Variants in HEATR4 observed in about 807,000 individuals in gnomAD.
HEATR4 encodes the protein HEAT repeat-containing protein 4.
A neutral mutation model predicts 108.8 loss-of-function variants in HEATR4; 95 were observed. The observed-to-expected ratio is 0.87, with a 90% CI of 0.74 to 1.04. The LOEUF is 1.04. Ranked by LOEUF, HEATR4 falls within the 50% of genes least tolerant of loss-of-function variation. HEATR4 has a pLI of 0.00. For missense variants in HEATR4, 1,152 were observed against 1,253.8 expected (o/e 0.92, Z 1.23); for synonymous variants, 443 against 459.4 (o/e 0.96, Z 0.46).
intron 4 of HEATR4, chr14:73,520,455 C>A (rs1315627541): frequency 6.2e-6 from 1 of 162,062 alleles, no homozygotes; most frequent in Non-Finnish European, 1.3e-5. Flanking sequence ...CCCAAATGTG[C>A]CTGACTCCAA....
At chr14:73,589,383 G>C in the HEATR4 span, among the ~76,000 whole-genome samples, 4 of 151,820 alleles carry the variant, frequency 2.6e-5, no homozygotes, top group Non-Finnish European at 5.9e-5. Flanking sequence ...GCAGTGGTAT[G>C]ATCTCAGCTT....
At chr14:73,610,727 C>G in the HEATR4 span, among the ~76,000 whole-genome samples, 1 of 152,158 alleles carries the variant, frequency 6.6e-6, no homozygotes, top group Non-Finnish European at 1.5e-5. Context: ...TCTGGTTGGC[C>G]TTGGACTGAC....
the HEATR4 span, among the ~76,000 whole-genome samples, chr14:73,585,514 G>A: frequency 5.9e-5 from 9 of 151,906 alleles, 1 homozygote; most frequent in South Asian, 1.2e-3. Flanking sequence ...GTGAGACCCC[G>A]TCTCTACTAA....
At chr14:73,595,560 A>C in the HEATR4 span, 1 of 1,599,678 alleles carries the variant, frequency 6.3e-7, no homozygotes, top group East Asian at 2.2e-5. Flanking sequence ...CCCAGGGCTC[A>C]TTCTAAGGCC....
chr14:73,610,065 T>C, the HEATR4 span, among the ~76,000 whole-genome samples: 3 of 151,676 alleles, frequency 2.0e-5, no homozygotes, highest in Admixed American at 2.0e-4. Flanking sequence ...GAGACATAGG[T>C]AGAGGATCTG....
chr14:73,511,992 G>T lies in HEATR4; in HGVS notation c.1558+14C>A, dbSNP rs759179364. On this transcript the variant is annotated intron_variant, in intron 7 of 17. Coordinates refer to ENST00000553558, the MANE Select transcript of HEATR4 (RefSeq NM_001220484.1). ...GTTGCTTATGTTCTCAAGCAGTTCA[G>T]CTTTGGCTCTCACCTGAGTCTCTCT... 8.1e-6 allele frequency: 13 copies of T among 1,613,666 alleles called. No homozygotes were observed. The highest frequency in any genetic ancestry group is 1.0e-5 in the Non-Finnish European group (12 of 1,179,872).
chr14:73,595,710 AC>A, the HEATR4 span: 4 of 1,488,570 alleles, frequency 2.7e-6, no homozygotes, highest in Non-Finnish European at 9.0e-7. Context: ...GTGTTCAGTA[AC>A]CCTATGTGAA....
rs768789244 is a variant in HEATR4, at chr14:73,496,737, G to A, written c.2547-58C>T. The A allele has an allele frequency of 3.2e-4, 306 of 951,098 alleles. 2 individuals carry two copies. Among genetic ancestry groups the A allele is most frequent in the Middle Eastern group, 1.8e-3 (7 of 3,886 alleles). 58.9% of individuals were successfully genotyped at this position (951,098 alleles called of 1,614,324 possible). A position where few individuals can be genotyped will look rare whatever the true frequency, so the allele number is the denominator to read the frequency against. On this transcript the variant is annotated intron_variant, in intron 14 of 17. Coordinates refer to ENST00000553558, the MANE Select transcript of HEATR4 (RefSeq NM_001220484.1). ...TACCCTGCCCTTTAAAAAAGTATGG[G>A]GGTAGAAAATATAGGACTTGGAATC...
the HEATR4 span, among the ~76,000 whole-genome samples, chr14:73,579,759 C>T: frequency 6.6e-6 from 1 of 151,708 alleles, no homozygotes; most frequent in Non-Finnish European, 1.5e-5. Flanking sequence ...GTAAACAATA[C>T]CCACGTCCAA....
At chr14:73,630,287 C>T in the HEATR4 span, among the ~76,000 whole-genome samples, 2 of 152,154 alleles carry the variant, frequency 1.3e-5, no homozygotes, top group African/African-American at 4.8e-5. Context: ...TTGGTGTTAT[C>T]GCTACTGCAC....
At chr14:73,569,939 C>T in the HEATR4 span, 24 of 1,545,852 alleles carry the variant, frequency 1.6e-5, no homozygotes, top group African/African-American at 2.9e-4. Context: ...TTGTGTGTCT[C>T]CCCCGCCCCA....
the HEATR4 span, chr14:73,619,747 T>C: frequency 2.5e-6 from 4 of 1,613,810 alleles, no homozygotes; most frequent in Non-Finnish European, 3.4e-6. Flanking sequence ...AAAGGCTCAC[T>C]CAAAGGCACA....
chr14:73,498,417 G>C (rs1886232040), intron 13 of HEATR4, 73 bp from the exon 14 acceptor site: 10 of 1,367,118 alleles, frequency 7.3e-6, no homozygotes, highest in Non-Finnish European at 9.9e-6. Context: ...AATAAATTGA[G>C]TTTTGCAAAC....
Position 73,496,665 on chromosome 14 carries a change from G to A in HEATR4, c.2561C>T (p.Thr854Ile). ...ATTTCCTAAGTTGAGTATCTTCATT[G>A]TCTGGTACATTTCTCTGAAAGATAA... ...HDAVLKEMYQ[T>I]MKILNLGNEG... Residue 854 changes from threonine to isoleucine, a missense_variant, in exon 15 of 18, where the codon ACA becomes ATA. Transcript: ENST00000553558. The A allele has an allele frequency of 1.3e-6, 2 of 1,581,358 alleles. No homozygotes were observed. The highest frequency in any genetic ancestry group is 1.7e-6 in the Non-Finnish European group (2 of 1,150,448).
the HEATR4 span, among the ~76,000 whole-genome samples, chr14:73,601,627 T>C: frequency 1.3e-5 from 2 of 152,216 alleles, no homozygotes; most frequent in Admixed American, 6.5e-5. Context: ...TTGGATCATT[T>C]TGTCTTTTCC....
intron 17 of HEATR4, among the ~76,000 whole-genome samples, chr14:73,482,224 A>G (rs549450482): frequency 7.4e-4 from 112 of 151,964 alleles, no homozygotes; most frequent in Admixed American, 1.2e-3. Context: ...AGTCTCTACT[A>G]AAAATACAAA....
intron 17 of HEATR4, among the ~76,000 whole-genome samples, chr14:73,481,346 C>T (rs766078082): frequency 3.3e-5 from 5 of 149,802 alleles, no homozygotes; most frequent in South Asian, 4.3e-4. Context: ...GGCTGAGGCA[C>T]GAGAATCACT....
chr14:73,573,537 C>T, the HEATR4 span: 2 of 1,613,652 alleles, frequency 1.2e-6, no homozygotes, highest in East Asian at 2.2e-5. Context: ...CATGGAGACG[C>T]TCCATCTGGA....
chr14:73,628,845 A>T, the HEATR4 span, among the ~76,000 whole-genome samples: 16 of 152,086 alleles, frequency 1.1e-4, 1 homozygote, highest in South Asian at 3.3e-3. Flanking sequence ...GGAGGTCAGG[A>T]GTTTGAGACC....
Sources: gnomAD v4.1 joint callset for allele counts (sites outside exome capture counted in the v4.1 genomes callset) on GRCh38, gnomAD v4.1.1 for gene constraint, MANE v1.5 for transcripts, NCBI Gene and HGNC (gene_info 2026-07-23, HGNC 2026-07-21) for gene names.